The following FUT8 variants were observed in gnomAD, a reference collection of about 807,000 sequenced individuals.
FUT8 encodes the protein fucosyltransferase 8, also known as alpha-(1,6)-fucosyltransferase.
FUT8 carries 29 observed loss-of-function variants against 71.3 expected under a neutral mutation model. That is an observed-to-expected ratio of 0.41 (90% CI 0.30 to 0.55). FUT8 has a LOEUF of 0.55. Among genes scored for constraint, FUT8 ranks in the 20% least tolerant of loss-of-function variants. The pLI is 0.34. For missense variants in FUT8, 544 were observed against 702.1 expected (o/e 0.77, Z 2.55); for synonymous variants, 254 against 239.3 (o/e 1.06, Z -0.57).
At chr14:65,673,360 G>A (rs1279566899) in intron 7 of FUT8, among the ~76,000 whole-genome samples, 1 of 152,176 alleles carries the variant, frequency 6.6e-6, no homozygotes, top group African/African-American at 2.4e-5. Context: ...ACTACATGAA[G>A]ACAGACACAG....
chr14:65,563,221 T>C (rs909285901), intron 3 of FUT8, among the ~76,000 whole-genome samples: 1 of 152,016 alleles, frequency 6.6e-6, no homozygotes, highest in African/African-American at 2.4e-5. Flanking sequence ...TAGAGTCTTA[T>C]TCATTCATTC....
At chr14:65,503,790 A>G (rs1391263256) in intron 2 of FUT8, among the ~76,000 whole-genome samples, 1 of 152,184 alleles carries the variant, frequency 6.6e-6, no homozygotes, top group Non-Finnish European at 1.5e-5. Context: ...TGTGTCTCAC[A>G]ATTAGCTGGG....
rs980552228 is a variant in FUT8, at chr14:65,686,350, C to A, written c.835+16870C>A. On this transcript the variant is annotated intron_variant, in intron 7 of 10. Coordinates refer to ENST00000673929, the MANE Select transcript of FUT8 (RefSeq NM_001371533.1). ...AAAGCTTACTTATACAATACCAAATCTAGCCTGAGACACTTGTTCTTGAAT... is the reference window on the plus strand; with the variant it reads ...AAAGCTTACTTATACAATACCAAATATAGCCTGAGACACTTGTTCTTGAAT... Among the ~76,000 whole-genome samples the A allele has an allele frequency of 1.2e-4, 18 of 152,260 alleles. No homozygotes were observed. In the East Asian group the frequency reaches 3.5e-3, roughly 29 times the overall value.
upstream of FUT8, among the ~76,000 whole-genome samples, chr14:65,409,505 C>T (rs1296657561): frequency 6.6e-6 from 1 of 152,134 alleles, no homozygotes; most frequent in African/African-American, 2.4e-5. This position sits in a 1 kb window ranked among gnomAD's most constrained non-coding sequence, Gnocchi z 5.4. Flanking sequence ...TACACTTTGG[C>T]TATTATTTTT....
chr14:65,485,222 G>A (rs2066391524), intron 2 of FUT8, among the ~76,000 whole-genome samples: 1 of 151,930 alleles, frequency 6.6e-6, no homozygotes, highest in South Asian at 2.1e-4. Flanking sequence ...TAACATCTGG[G>A]TTGGTTTCAG....
At chr14:65,505,981 G>T (rs749958823) in intron 2 of FUT8, among the ~76,000 whole-genome samples, 1 of 152,082 alleles carries the variant, frequency 6.6e-6, no homozygotes, top group Non-Finnish European at 1.5e-5. Flanking sequence ...TACTAATTTT[G>T]TAATAGTCCA....
chr14:65,453,656 G>A (rs1338690008), intron 1 of FUT8, among the ~76,000 whole-genome samples: 1 of 152,114 alleles, frequency 6.6e-6, no homozygotes, highest in Non-Finnish European at 1.5e-5. Flanking sequence ...GTGGCTGGAT[G>A]GAACTCAGAT....
intron 2 of FUT8, among the ~76,000 whole-genome samples, chr14:65,521,378 A>G (rs1412978323): frequency 1.3e-5 from 2 of 151,370 alleles, no homozygotes; most frequent in African/African-American, 4.9e-5. Context: ...CTTCTTTTAT[A>G]CACTCACAAT....
the FUT8 span, among the ~76,000 whole-genome samples, chr14:65,389,392 T>G: frequency 2.0e-5 from 3 of 146,452 alleles, no homozygotes; most frequent in Non-Finnish European, 4.5e-5. Context: ...TTTTTTTGAG[T>G]CAGAGTCTCA....
the FUT8 span, among the ~76,000 whole-genome samples, chr14:65,359,588 T>A: frequency 6.6e-6 from 1 of 152,208 alleles, no homozygotes; most frequent in African/African-American, 2.4e-5. Context: ...ACACTACTTG[T>A]CTTTTTGTGA....
chr14:65,742,220 A>T lies in FUT8; in HGVS notation c.1538A>T (p.His513Leu). The stretch of plus-strand genomic sequence containing the variant: ...CACAATCAAATTGCCATTTATGCTC[A>T]CCAACCCCGAACTGCAGATGAAATT... ...NAHNQIAIYA[H>L]QPRTADEIPM... The change falls in exon 11 of 11, where the codon CAC (histidine) becomes CTC (leucine). Residue 513 changes from histidine (H) to leucine (L), a missense_variant. His to Leu is a moderately conservative substitution (Grantham distance 99). Coordinates refer to ENST00000673929, the MANE Select transcript of FUT8 (RefSeq NM_001371533.1). 1 of 1,613,162 alleles carries T rather than the reference A, an allele frequency of 6.2e-7. No individual in the cohort carries two copies. Among genetic ancestry groups the T allele is most frequent in the Non-Finnish European group, 8.5e-7 (1 of 1,179,440 alleles).
At chr14:65,559,148 T>A (rs1470477143) in intron 2 of FUT8, among the ~76,000 whole-genome samples, 4 of 152,160 alleles carry the variant, frequency 2.6e-5, no homozygotes, top group Non-Finnish European at 5.9e-5. Context: ...AGCATGTCTT[T>A]TTATTATTTA....
rs1161212683 is a variant in FUT8, at chr14:65,643,833, C to A, written c.597+14227C>A. ...ATACGTTGAACTTAAATTCAAATTTCTTTAATTTAGGTATATCAGCCCAAT... is the reference window on the plus strand; with the variant it reads ...ATACGTTGAACTTAAATTCAAATTTATTTAATTTAGGTATATCAGCCCAAT... On this transcript the variant is annotated intron_variant, in intron 6 of 10. Transcript: ENST00000673929. The surrounding 1 kb of genome is among the most constrained non-coding windows in gnomAD (Gnocchi z 4.5). Among the ~76,000 whole-genome samples the A allele has an allele frequency of 2.6e-5, 4 of 151,996 alleles. No homozygotes were observed. Among genetic ancestry groups the A allele is most frequent in the African/African-American group, 9.7e-5 (4 of 41,380 alleles).
rs1726408115 is a variant in FUT8, at chr14:65,652,404, A to G, written c.598-16839A>G. ...TCTTTCTGATAAAAATGGAGAGCAC[A>G]TAAGAAAAAAACTTTTAGTGTACTT... On this transcript the variant is annotated intron_variant, in intron 6 of 10. Transcript: ENST00000673929. This position sits in a 1 kb window ranked among gnomAD's most constrained non-coding sequence, Gnocchi z 4.0. Among the ~76,000 whole-genome samples the G allele has an allele frequency of 6.6e-6, 1 of 152,228 alleles. No homozygotes were observed.
chr14:65,573,097 G>A (rs1266465138), intron 3 of FUT8, among the ~76,000 whole-genome samples: 1 of 152,128 alleles, frequency 6.6e-6, no homozygotes, highest in African/African-American at 2.4e-5. Context: ...GGAAGTCTGT[G>A]TATTTGGAGT....
chr14:65,555,672 G>A lies in FUT8; in HGVS notation c.-227-5665G>A, dbSNP rs368796781. On this transcript the variant is annotated intron_variant, in intron 2 of 10. Transcript: ENST00000673929. ...TAGGCAGAAGGCTAAAGTGATCATA[G>A]GGCTTACTTTTATTGTTAATTTTCT... 3.3e-5 allele frequency among the ~76,000 whole-genome samples: 5 copies of A among 152,094 alleles called. No homozygotes were observed. In the East Asian group the frequency reaches 9.6e-4, roughly 29 times the overall value.
At chr14:65,571,417 C>G (rs986677968) in intron 3 of FUT8, among the ~76,000 whole-genome samples, 8 of 152,114 alleles carry the variant, frequency 5.3e-5, no homozygotes, top group Admixed American at 1.3e-4. Flanking sequence ...CCATGCACTT[C>G]AGATGATCCA....
intron 6 of FUT8, among the ~76,000 whole-genome samples, chr14:65,659,512 A>G (rs1998035): frequency 0.12 from 18,893 of 152,154 alleles, 1,510 homozygotes; most frequent in East Asian, 0.38. Flanking sequence ...CAGCTTTTGC[A>G]CAGGAACAGT....
intron 2 of FUT8, among the ~76,000 whole-genome samples, chr14:65,526,884 A>G (rs896213084): frequency 6.6e-6 from 1 of 152,206 alleles, no homozygotes; most frequent in Admixed American, 6.5e-5. Flanking sequence ...AATTTTGAAT[A>G]TTGGCCCCCA....
Sources: gnomAD v4.1 joint callset for allele counts (sites outside exome capture counted in the v4.1 genomes callset) on GRCh38, gnomAD v4.1.1 for gene constraint, Gnocchi (gnomAD v3.1) non-coding constraint, MANE v1.5 for transcripts, NCBI Gene and HGNC (gene_info 2026-07-23, HGNC 2026-07-21) for gene names.